SMIM14: variants seen among roughly 807,000 people sequenced by gnomAD.
SMIM14 encodes small integral membrane protein 14.
Under a neutral mutation model 12.6 loss-of-function variants are expected in SMIM14, and 5 were observed. The ratio of observed to expected loss-of-function variants is 0.40; its 90% CI spans 0.21 to 0.83. The LOEUF (loss-of-function observed/expected upper bound fraction) is 0.83. SMIM14 is among the 40% of genes least tolerant of loss of function. SMIM14 has a pLI of 0.37. For synonymous variants in SMIM14, 30 were observed against 40.1 expected (o/e 0.75, Z 0.95); for missense variants, 86 against 119.1 (o/e 0.72, Z 1.29).
rs1046734979 is a variant in SMIM14 at position 39,547,036 on chromosome 4, G to C, written c.*5090C>G. On this transcript the variant is annotated 3_prime_UTR_variant, in exon 5 of 5. Transcript: ENST00000295958. ...AATGTCTATTTTACCTGGTATTCTAGGAAGAGAGAGAGAAAGAAAATAACC... is the reference window on the plus strand; with the variant it reads ...AATGTCTATTTTACCTGGTATTCTACGAAGAGAGAGAGAAAGAAAATAACC... 2.6e-5 allele frequency: 4 copies of C among 152,108 alleles called. No homozygotes were observed. Among genetic ancestry groups the C allele is most frequent in the African/African-American group, 9.7e-5 (4 of 41,406 alleles). The allele number at this position is 152,108 out of a possible 1,614,324, so 9.4% of individuals were successfully genotyped here. A position where few individuals can be genotyped will look rare whatever the true frequency, so the allele number is the denominator to read the frequency against.
At chr4:39,598,886 T>C (rs1011051241) in intron 2 of SMIM14, among the ~76,000 whole-genome samples, 2 of 146,112 alleles carry the variant, frequency 1.4e-5, no homozygotes, top group African/African-American at 5.0e-5. Context: ...CAGCTCCCTG[T>C]AGTCCTGATG....
chr4:39,587,349 T>C (rs1157452114), intron 2 of SMIM14, among the ~76,000 whole-genome samples: 1 of 150,602 alleles, frequency 6.6e-6, no homozygotes, highest in Non-Finnish European at 1.5e-5. Flanking sequence ...ACAAAAAAAT[T>C]AGCCAGGCAT....
chr4:39,559,728 T>G (rs1712199632), intron 3 of SMIM14, among the ~76,000 whole-genome samples: 1 of 151,844 alleles, frequency 6.6e-6, no homozygotes, highest in Non-Finnish European at 1.5e-5. Flanking sequence ...GGCAAACAAA[T>G]TAGTACAAAA....
chr4:39,627,000 C>T (rs528723290), intron 1 of SMIM14, among the ~76,000 whole-genome samples: 1 of 152,276 alleles, frequency 6.6e-6, no homozygotes, highest in African/African-American at 2.4e-5. Context: ...AAATTTACTT[C>T]TCACGGTTCT....
At chr4:39,608,284 C>G (rs1487430805) in intron 1 of SMIM14, among the ~76,000 whole-genome samples, 1 of 152,110 alleles carries the variant, frequency 6.6e-6, no homozygotes, top group East Asian at 1.9e-4. Context: ...TGAGCAAGAC[C>G]CTGTCTGTAT....
intron 2 of SMIM14, among the ~76,000 whole-genome samples, chr4:39,574,117 G>A (rs1157400763): frequency 3.9e-5 from 6 of 152,042 alleles, no homozygotes; most frequent in Admixed American, 3.3e-4. Context: ...CTCTCCATTA[G>A]AGTAGTAATC....
chr4:39,617,854 G>T, intron 1 of SMIM14, among the ~76,000 whole-genome samples: 1 of 152,192 alleles, frequency 6.6e-6, no homozygotes, highest in East Asian at 1.9e-4. Flanking sequence ...ATAGTATTTT[G>T]TTAAATTAAG....
At chr4:39,567,438 A>G (rs886943182) in intron 3 of SMIM14, among the ~76,000 whole-genome samples, 2 of 152,012 alleles carry the variant, frequency 1.3e-5, no homozygotes, top group East Asian at 1.9e-4. Flanking sequence ...CCCTGTCTCT[A>G]CAAAAAATAC....
intron 1 of SMIM14, 114 bp downstream of exon 1, chr4:39,638,625 C>G: frequency 1.0e-6 from 1 of 973,306 alleles, no homozygotes; most frequent in Non-Finnish European, 1.2e-6. Context: ...CGAGAAACAG[C>G]CCTGTTCTGC....
chr4:39,615,438 C>G (rs1277528379), intron 1 of SMIM14, among the ~76,000 whole-genome samples: 1 of 152,076 alleles, frequency 6.6e-6, no homozygotes, highest in Admixed American at 6.6e-5. Context: ...TATACTACTA[C>G]AGTGGTAGAT....
chr4:39,568,310 T>C (rs1014310798), intron 3 of SMIM14, among the ~76,000 whole-genome samples: 2 of 151,976 alleles, frequency 1.3e-5, no homozygotes, highest in East Asian at 1.9e-4. Flanking sequence ...TACATGTATA[T>C]ATTTCTCCAC....
At position 39,622,185 on chromosome 4, in the gene SMIM14, G is replaced by A. The variant is rs546429275; in HGVS notation, c.-36+16554C>T. On this transcript the variant is annotated intron_variant, in intron 1 of 4. Transcript: ENST00000295958. ...TGCAAGCTCCGCCTCCCGGGTTCAC[G>A]CCATTCTCCTGCCTCAGCCTCCCGA... 2.0e-5 allele frequency among the ~76,000 whole-genome samples: 3 copies of A among 151,626 alleles called. No homozygotes were observed. In the East Asian group the frequency reaches 5.9e-4, roughly 30 times the overall value.
chr4:39,572,276 G>GTT (rs1187081932), intron 3 of SMIM14, 139 bp downstream of exon 3: 1 of 427,872 alleles, frequency 2.3e-6, no homozygotes, highest in African/African-American at 3.6e-5. Context: ...CGTATGTGTC[G>GTT]CTTTTTTTTT....
chr4:39,622,833 A>G (rs1361083732), intron 1 of SMIM14, among the ~76,000 whole-genome samples: 2 of 152,258 alleles, frequency 1.3e-5, no homozygotes, highest in Non-Finnish European at 2.9e-5. Context: ...TTCAAATATC[A>G]TATAATGGTT....
chr4:39,636,782 C>A (rs1269926768), intron 1 of SMIM14, among the ~76,000 whole-genome samples: 1 of 152,062 alleles, frequency 6.6e-6, no homozygotes, highest in Non-Finnish European at 1.5e-5. Context: ...CCTATACACA[C>A]CTACGATAAA....
chr4:39,632,821 ACACAC>A (rs1715959126), intron 1 of SMIM14, among the ~76,000 whole-genome samples: 10 of 144,296 alleles, frequency 6.9e-5, no homozygotes, highest in Admixed American at 5.5e-4. Context: ...ACACACACAC[ACACAC>A]AAAAGAAAAA....
intron 1 of SMIM14, among the ~76,000 whole-genome samples, chr4:39,635,911 G>C (rs557521998): frequency 6.6e-5 from 10 of 151,944 alleles, no homozygotes; most frequent in Non-Finnish European, 1.5e-4. Flanking sequence ...AGTGGCTCAC[G>C]CATGTAATCC....
At chr4:39,573,081 A>T (rs570356504) in intron 2 of SMIM14, among the ~76,000 whole-genome samples, 3 of 149,416 alleles carry the variant, frequency 2.0e-5, no homozygotes, top group East Asian at 2.0e-4. Context: ...TTTGGTTTTT[A>T]TTATTATTAT....
At chr4:39,566,362 A>G (rs2109998322) in intron 3 of SMIM14, among the ~76,000 whole-genome samples, 1 of 152,200 alleles carries the variant, frequency 6.6e-6, no homozygotes, top group East Asian at 1.9e-4. Context: ...CCCAGTGGAA[A>G]TGCCCAAAAG....
Sources: allele counts gnomAD v4.1 joint callset (sites outside exome capture counted in the v4.1 genomes callset), GRCh38; gene constraint gnomAD v4.1.1; transcripts MANE v1.5; gene names NCBI Gene and HGNC (gene_info 2026-07-23, HGNC 2026-07-21).